The following PCDHGA7 variants were observed in gnomAD, a reference collection of about 807,000 sequenced individuals.
PCDHGA7 encodes protocadherin gamma subfamily A, 7.
A neutral mutation model predicts 58.3 loss-of-function variants in PCDHGA7; 44 were observed. The ratio of observed to expected loss-of-function variants is 0.75; its 90% CI spans 0.59 to 0.97. The LOEUF is 0.97. Among genes scored for constraint, PCDHGA7 ranks in the 50% least tolerant of loss-of-function variants. PCDHGA7 has a pLI of 0.00. For synonymous variants in PCDHGA7, 516 were observed against 504.2 expected, an observed-to-expected ratio of 1.02 and a Z score of -0.31; for missense variants, 1,266 against 1,188.7, an observed-to-expected ratio of 1.06 and a Z score of -0.96.
At chr5:141,458,130 C>A (rs1441742986) in intron 1 of PCDHGA7, among the ~76,000 whole-genome samples, 2 of 152,248 alleles carry the variant, frequency 1.3e-5, no homozygotes, top group African/African-American at 4.8e-5. Flanking sequence ...AGGAACCAGG[C>A]AGAGAAAAAT....
rs1216840918 is a variant in PCDHGA7, at chr5:141,476,285, G to C, written c.2425-18522G>C. The C allele has an allele frequency of 1.2e-6, 2 of 1,614,036 alleles. No individual in the cohort carries two copies. The highest frequency in any genetic ancestry group is 1.7e-6 in the Non-Finnish European group (2 of 1,180,032). ...CAACGTGGTCGCGAACCTTGGTTTG[G>C]ATCTCGGTAGCCTCTCAGCCCGCAG... On this transcript the variant is annotated intron_variant, in intron 1 of 3. Coordinates refer to ENST00000518325, the MANE Select transcript of PCDHGA7 (RefSeq NM_018920.4). This position sits in a 1 kb window ranked among gnomAD's most constrained non-coding sequence, Gnocchi z 7.6.
chr5:141,415,499 C>G (rs2095876120), intron 1 of PCDHGA7: 1 of 1,614,098 alleles, frequency 6.2e-7, no homozygotes, highest in Non-Finnish European at 8.5e-7. Context: ...CTGATCTTCC[C>G]CCAGCCCAAT....
chr5:141,388,453 A>G (rs556619446), intron 1 of PCDHGA7: 1 of 1,613,846 alleles, frequency 6.2e-7, no homozygotes, highest in East Asian at 2.2e-5. Flanking sequence ...GATGGCAGTA[A>G]ATACCCTGAG....
chr5:141,398,776 G>C, intron 1 of PCDHGA7: 2 of 1,613,904 alleles, frequency 1.2e-6, no homozygotes. Context: ...TGCCTTGGAC[G>C]GTGGACATCC....
Position 141,489,195 on chromosome 5 carries a change from A to G in PCDHGA7, c.2425-5612A>G, listed in dbSNP as rs200660227. ...ATTCCAAGCCCTGGGTCTACCTTGG[A>G]GACAGGACAGCACAGACTTACTCTC... is the stretch of plus-strand genomic sequence containing the variant. On this transcript the variant is annotated intron_variant, in intron 1 of 3. Transcript: ENST00000518325. This position sits in a 1 kb window ranked among gnomAD's most constrained non-coding sequence, Gnocchi z 4.5. 1.8e-5 allele frequency: 25 copies of G among 1,383,116 alleles called. No individual in the cohort carries two copies. The East Asian group carries it at 4.8e-4, about 27-fold the overall frequency. 85.7% of individuals were successfully genotyped at this position (1,383,116 alleles called of 1,614,324 possible). A position where few individuals can be genotyped will look rare whatever the true frequency, so the allele number is the denominator to read the frequency against.
chr5:141,477,532 C>A lies in PCDHGA7; in HGVS notation c.2425-17275C>A. 6.2e-7 allele frequency: 1 copy of A among 1,614,146 alleles called. No individual in the cohort carries two copies. The highest frequency in any genetic ancestry group is 8.5e-7 in the Non-Finnish European group (1 of 1,180,028). ...TTTACATTGAAGAAAACAACCTCCC[C>A]GGGGCTCCAATACTAAACCTAAGTG... On this transcript the variant is annotated intron_variant, in intron 1 of 3. Coordinates refer to ENST00000518325, the MANE Select transcript of PCDHGA7 (RefSeq NM_018920.4). The surrounding 1 kb of genome is among the most constrained non-coding windows in gnomAD (Gnocchi z 4.9).
At chr5:141,483,700 T>C (rs1003495517) in intron 1 of PCDHGA7, among the ~76,000 whole-genome samples, 4 of 152,090 alleles carry the variant, frequency 2.6e-5, no homozygotes, top group Admixed American at 2.6e-4. Context: ...ATTCCTCTTT[T>C]TGACACCAGA....
At chr5:141,495,571 C>T (rs1031548699) in intron 2 of PCDHGA7, among the ~76,000 whole-genome samples, 1 of 152,198 alleles carries the variant, frequency 6.6e-6, no homozygotes, top group African/African-American at 2.4e-5. Flanking sequence ...TCTGCCTCTC[C>T]CTCTCTTCTC....
intron 1 of PCDHGA7, chr5:141,423,181 C>T: frequency 1.2e-6 from 2 of 1,613,578 alleles, no homozygotes; most frequent in East Asian, 2.2e-5. Flanking sequence ...GGACCACGGC[C>T]AGCCCCCTCT....
At position 141,486,927 on chromosome 5, in the gene PCDHGA7, G is replaced by A; in HGVS notation, c.2425-7880G>A. ...CCCCAAGCACTGCCTCCATCAGTTG[G>A]TGCTGGCCACCTAATCACAAAGGTG... On this transcript the variant is annotated intron_variant, in intron 1 of 3. Transcript: ENST00000518325. The surrounding 1 kb of genome is among the most constrained non-coding windows in gnomAD (Gnocchi z 5.0). 4 of 1,614,226 alleles carry A rather than the reference G, an allele frequency of 2.5e-6. No individual in the cohort carries two copies. Among genetic ancestry groups the A allele is most frequent in the Non-Finnish European group, 3.4e-6 (4 of 1,180,046 alleles).
At position 141,477,751 on chromosome 5, in the gene PCDHGA7, G is replaced by T; in HGVS notation, c.2425-17056G>T. 1.2e-6 allele frequency: 2 copies of T among 1,613,830 alleles called. No homozygotes were observed. Among genetic ancestry groups the T allele is most frequent in the Non-Finnish European group, 1.7e-6 (2 of 1,180,022 alleles). On this transcript the variant is annotated intron_variant, in intron 1 of 3. Coordinates refer to ENST00000518325, the MANE Select transcript of PCDHGA7 (RefSeq NM_018920.4). This position sits in a 1 kb window ranked among gnomAD's most constrained non-coding sequence, Gnocchi z 4.9. ...CTCATATCAGCGATGGGGGCACCCC[G>T]GTCCTAGCCACCAACATCAGCGTGA...
chr5:141,424,776 A>G (rs1406581367), intron 1 of PCDHGA7: 2 of 152,154 alleles, frequency 1.3e-5, no homozygotes, highest in African/African-American at 4.8e-5. Context: ...CAAATAGTAC[A>G]TTCAGTTCTT....
chr5:141,432,584 C>T lies in PCDHGA7; in HGVS notation c.2424+47261C>T, dbSNP rs762935149. The T allele has an allele frequency of 2.3e-5, 37 of 1,613,854 alleles. No individual in the cohort carries two copies. The highest frequency in any genetic ancestry group is 3.3e-4 in the Middle Eastern group (2 of 6,018). On this transcript the variant is annotated intron_variant, in intron 1 of 3. Coordinates refer to ENST00000518325, the MANE Select transcript of PCDHGA7 (RefSeq NM_018920.4). The surrounding 1 kb of genome is among the most constrained non-coding windows in gnomAD (Gnocchi z 6.0). ...GAACGCCTGGCTGTCCTACCGTCTG[C>T]TCAAGGCCAGCGAGCCGGGACTCTT...
rs562410567 is a variant in PCDHGA7 at position 141,413,096 on chromosome 5, G to A, written c.2424+27773G>A. On this transcript the variant is annotated intron_variant, in intron 1 of 3. Transcript: ENST00000518325. ...GCCCAGGCTACAGAGACACCCTGAA[G>A]CCACAGAAAGACAAAGGAACCGGTT... 25 of 1,445,574 alleles carry A rather than the reference G, an allele frequency of 1.7e-5. No homozygotes were observed. The African/African-American group carries it at 3.3e-4, about 19-fold the overall frequency. The allele number at this position is 1,445,574 out of a possible 1,614,324, so 89.5% of individuals were successfully genotyped here.
At chr5:141,409,916 T>C (rs762510018) in intron 1 of PCDHGA7, 3 of 1,613,298 alleles carry the variant, frequency 1.9e-6, no homozygotes, top group Non-Finnish European at 2.5e-6. Flanking sequence ...TCCTGACGGC[T>C]CCGCGTTCTT....
chr5:141,413,649 C>G, intron 1 of PCDHGA7: 1 of 1,613,836 alleles, frequency 6.2e-7, no homozygotes, highest in South Asian at 1.1e-5. Flanking sequence ...GTTTTCCTCT[C>G]CCGGAAGCTA....
At chr5:141,397,770 A>G (rs913843546) in intron 1 of PCDHGA7, among the ~76,000 whole-genome samples, 13 of 152,238 alleles carry the variant, frequency 8.5e-5, no homozygotes, top group African/African-American at 2.2e-4. Flanking sequence ...TTTATTAAGT[A>G]TATGGACGTA....
chr5:141,394,463 G>A (rs1244366845), intron 1 of PCDHGA7: 2 of 1,614,248 alleles, frequency 1.2e-6, no homozygotes, highest in South Asian at 2.2e-5. Flanking sequence ...CACTGAGCCT[G>A]TTCGTGCTGG....
At chr5:141,419,523 G>C in intron 1 of PCDHGA7, 1 of 1,612,204 alleles carries the variant, frequency 6.2e-7, no homozygotes, top group Non-Finnish European at 8.5e-7. Flanking sequence ...GTGGGCGACC[G>C]TAACGACAAC....
Sources: allele counts gnomAD v4.1 joint callset (sites outside exome capture counted in the v4.1 genomes callset), GRCh38; gene constraint gnomAD v4.1.1; non-coding constraint Gnocchi (gnomAD v3.1); transcripts MANE v1.5; gene names NCBI Gene and HGNC (gene_info 2026-07-23, HGNC 2026-07-21).